The following SRGAP3 variants were observed in gnomAD, a reference collection of about 807,000 sequenced individuals.
SRGAP3 encodes the protein SLIT-ROBO Rho GTPase-activating protein 3.
A neutral mutation model predicts 121.1 loss-of-function variants in SRGAP3; 39 were observed. The ratio of observed to expected loss-of-function variants is 0.32; its 90% CI spans 0.25 to 0.42. The LOEUF (loss-of-function observed/expected upper bound fraction) is 0.42, where lower values mean the gene tolerates loss of function less well. Among genes scored for constraint, SRGAP3 ranks in the 10% least tolerant of loss-of-function variants. The pLI is 1.00. For missense variants in SRGAP3, 1,213 were observed against 1,470.6 expected, an observed-to-expected ratio of 0.82 and a Z score of 2.86; for synonymous variants, 601 against 570.0, an observed-to-expected ratio of 1.05 and a Z score of -0.77.
At chr3:9,086,451 T>C (rs1239077731) in intron 3 of SRGAP3, among the ~76,000 whole-genome samples, 3 of 144,642 alleles carry the variant, frequency 2.1e-5, no homozygotes, top group Non-Finnish European at 3.0e-5. Context: ...GCCTGGTAGG[T>C]AGGGGTTGCA....
chr3:9,249,169 C>T lies in SRGAP3; in HGVS notation c.-218G>A, dbSNP rs1953928470. On this transcript the variant is annotated 5_prime_UTR_variant, in exon 1 of 22. Transcript: ENST00000383836. ...CGAGAAATGGCTCTAGTAGCTTGCC[C>T]TGGTCAGCTCCTCTTGCAAAAGAAG... The T allele has an allele frequency of 5.0e-6, 3 of 599,722 alleles. No individual in the cohort carries two copies. The highest frequency in any genetic ancestry group is 3.7e-5 in the African/African-American group (2 of 53,892). 37.2% of individuals were successfully genotyped at this position (599,722 alleles called of 1,614,324 possible).
intron 3 of SRGAP3, among the ~76,000 whole-genome samples, chr3:9,305,421 T>G (rs1245259955): frequency 2.0e-5 from 3 of 151,592 alleles, no homozygotes; most frequent in African/African-American, 7.3e-5. Flanking sequence ...TTTTATTTTT[T>G]TATTATACTT....
intron 3 of SRGAP3, among the ~76,000 whole-genome samples, chr3:9,254,693 G>A (rs1390973340): frequency 6.6e-6 from 1 of 152,106 alleles, no homozygotes; most frequent in Non-Finnish European, 1.5e-5. Context: ...CTACTTGGGA[G>A]GTTGAGGTGG....
intron 3 of SRGAP3, among the ~76,000 whole-genome samples, chr3:9,261,784 TTATC>T (rs1039762933): frequency 6.6e-5 from 10 of 151,164 alleles, no homozygotes; most frequent in African/African-American, 2.4e-4. Flanking sequence ...CTTCAGGATA[TTATC>T]CAGGAGAACT....
chr3:9,257,106 C>T (rs931274784), intron 3 of SRGAP3: 2 of 367,548 alleles, frequency 5.4e-6, no homozygotes, highest in African/African-American at 2.1e-5. Context: ...TTATATATTG[C>T]CCCTATGAAA....
At chr3:9,261,469 C>A (rs1392192893) in intron 3 of SRGAP3, among the ~76,000 whole-genome samples, 1 of 151,940 alleles carries the variant, frequency 6.6e-6, no homozygotes, top group African/African-American at 2.4e-5. Flanking sequence ...GTTACAGGAA[C>A]TGCTAACTAG....
intron 1 of SRGAP3, among the ~76,000 whole-genome samples, chr3:9,207,156 C>A (rs924600388): frequency 3.9e-5 from 6 of 152,174 alleles, no homozygotes; most frequent in African/African-American, 1.2e-4. Flanking sequence ...CCTTCTAACA[C>A]CTTGCTTTAA....
intron 3 of SRGAP3, among the ~76,000 whole-genome samples, chr3:9,262,098 T>C (rs1469709308): frequency 6.6e-6 from 1 of 152,064 alleles, no homozygotes; most frequent in Non-Finnish European, 1.5e-5. Flanking sequence ...GAATTTCATA[T>C]CCAGCCAAAC....
chr3:9,091,546 A>G (rs1175409658), intron 3 of SRGAP3, among the ~76,000 whole-genome samples: 2 of 152,114 alleles, frequency 1.3e-5, no homozygotes, highest in Non-Finnish European at 2.9e-5. Context: ...AGCACGGGCC[A>G]TCTCCCAAAG....
chr3:9,308,148 C>CT (rs1479230767), intron 3 of SRGAP3, among the ~76,000 whole-genome samples: 2 of 152,208 alleles, frequency 1.3e-5, no homozygotes, highest in Non-Finnish European at 2.9e-5. Context: ...GAGCTAGACT[C>CT]TGTCTCAAAA....
chr3:9,014,197 G>A (rs1187218191), intron 15 of SRGAP3: 11 of 370,512 alleles, frequency 3.0e-5, no homozygotes, highest in South Asian at 1.2e-4. Context: ...GCATAGAGCC[G>A]GACGGGGCAT....
At chr3:9,288,755 T>C (rs539126631) in intron 3 of SRGAP3, among the ~76,000 whole-genome samples, 86 of 151,778 alleles carry the variant, frequency 5.7e-4, no homozygotes, top group Admixed American at 8.5e-4. Flanking sequence ...TTAAATTTTT[T>C]GTAGAGACAG....
chr3:9,142,615 G>A (rs2125036664), intron 1 of SRGAP3, among the ~76,000 whole-genome samples: 1 of 152,272 alleles, frequency 6.6e-6, no homozygotes, highest in Admixed American at 6.5e-5. Context: ...AATGTAGTGG[G>A]TTCTTTCTGT....
chr3:9,050,703 A>G (rs1945526106), intron 9 of SRGAP3, among the ~76,000 whole-genome samples: 1 of 152,234 alleles, frequency 6.6e-6, no homozygotes, highest in Admixed American at 6.5e-5. Context: ...TCTGTTCCCC[A>G]GAATTCTTTG....
At chr3:9,205,830 G>A (rs542753647) in intron 1 of SRGAP3, among the ~76,000 whole-genome samples, 23 of 152,280 alleles carry the variant, frequency 1.5e-4, no homozygotes, top group African/African-American at 2.4e-4. Context: ...ATTCTATAAC[G>A]TGGATGAACC....
At chr3:9,070,863 C>G (rs984281289) in intron 4 of SRGAP3, among the ~76,000 whole-genome samples, 2 of 152,170 alleles carry the variant, frequency 1.3e-5, no homozygotes, top group African/African-American at 4.8e-5. Flanking sequence ...TCATAGGATC[C>G]AAACTGTAGT....
intron 3 of SRGAP3, among the ~76,000 whole-genome samples, chr3:9,283,185 C>T (rs1954711093): frequency 6.6e-6 from 1 of 151,240 alleles, no homozygotes; most frequent in East Asian, 2.0e-4. Context: ...AGGTGATCCA[C>T]CCCCCCTCGG....
intron 3 of SRGAP3, among the ~76,000 whole-genome samples, chr3:9,285,989 T>C (rs748141931): frequency 3.4e-4 from 52 of 151,900 alleles, no homozygotes; most frequent in Non-Finnish European, 5.6e-4. Context: ...GACGTGCACC[T>C]GTAGTCCCAG....
chr3:9,140,136 C>CACACACACACACACAT (rs1028709032), intron 1 of SRGAP3, among the ~76,000 whole-genome samples: 11 of 143,638 alleles, frequency 7.7e-5, no homozygotes, highest in Middle Eastern at 3.6e-3. Flanking sequence ...CACACACACA[C>CACACACACACACACAT]ACACACACAC....
Sources: allele counts gnomAD v4.1 joint callset (sites outside exome capture counted in the v4.1 genomes callset), GRCh38; gene constraint gnomAD v4.1.1; transcripts MANE v1.5; gene names NCBI Gene and HGNC (gene_info 2026-07-23, HGNC 2026-07-21).